GUCA1C: variants seen among roughly 807,000 people sequenced by gnomAD.
The protein encoded by GUCA1C is guanylate cyclase activator 1C.
Under a neutral mutation model 16.2 loss-of-function variants are expected in GUCA1C, and 15 were observed. The observed-to-expected ratio is 0.93, with a 90% CI of 0.62 to 1.43. The LOEUF (loss-of-function observed/expected upper bound fraction) is 1.43, where lower values mean the gene tolerates loss of function less well. Among genes scored for constraint, GUCA1C ranks in the 40% most tolerant of loss-of-function variants. The pLI, the probability that GUCA1C is intolerant of heterozygous loss-of-function variation, is 0.00. For synonymous variants in GUCA1C, 78 were observed against 85.4 expected, an observed-to-expected ratio of 0.91 and a Z score of 0.48; for missense variants, 275 against 244.8, an observed-to-expected ratio of 1.12 and a Z score of -0.82.
intron 3 of GUCA1C, among the ~76,000 whole-genome samples, chr3:108,912,200 C>T (rs1946463958): frequency 6.6e-6 from 1 of 151,580 alleles, no homozygotes; most frequent in Non-Finnish European, 1.5e-5. Flanking sequence ...TCTCCCTTAC[C>T]CCTGTGCCTT....
intron 3 of GUCA1C, among the ~76,000 whole-genome samples, chr3:108,909,363 A>T (rs1946424506): frequency 1.3e-5 from 2 of 152,226 alleles, no homozygotes; most frequent in East Asian, 1.9e-4. Flanking sequence ...AGAATAAACC[A>T]TAGGGAGTAG....
At chr3:108,911,963 G>A (rs1343160793) in intron 3 of GUCA1C, among the ~76,000 whole-genome samples, 2 of 151,880 alleles carry the variant, frequency 1.3e-5, no homozygotes, top group Non-Finnish European at 2.9e-5. Flanking sequence ...AAAATTAGCC[G>A]GGCGTAGTGG....
At chr3:108,922,310 A>G (rs1946577703) in intron 1 of GUCA1C, among the ~76,000 whole-genome samples, 1 of 152,134 alleles carries the variant, frequency 6.6e-6, no homozygotes, top group South Asian at 2.1e-4. Flanking sequence ...TGCATGTGCA[A>G]GTATCTTTTT....
chr3:108,945,776 G>T (rs190536229), intron 1 of GUCA1C, among the ~76,000 whole-genome samples: 8 of 152,260 alleles, frequency 5.3e-5, no homozygotes, highest in Admixed American at 2.6e-4. Context: ...CTTAACGTTT[G>T]TAATTAAGAT....
Position 108,917,413 on chromosome 3 carries a change from C to T in GUCA1C, c.355-1199G>A, listed in dbSNP as rs988137745. On this transcript the variant is annotated intron_variant, in intron 2 of 3. Coordinates refer to ENST00000261047, the MANE Select transcript of GUCA1C (RefSeq NM_005459.4). ...AGGGGATAATATTTTTGGAGGGAGT[C>T]CTCAGCTTGCTCCGTTTTCCTTCTT... is the stretch of plus-strand genomic sequence containing the variant. 1.2e-4 allele frequency among the ~76,000 whole-genome samples: 19 copies of T among 152,010 alleles called. 1 individual carries two copies. Among genetic ancestry groups the T allele is most frequent in the African/African-American group, 3.6e-4 (15 of 41,358 alleles).
At chr3:108,946,891 GAAAA>G (rs10607933) in intron 1 of GUCA1C, among the ~76,000 whole-genome samples, 18 of 96,388 alleles carry the variant, frequency 1.9e-4, no homozygotes, top group African/African-American at 6.1e-4. Flanking sequence ...TCAAGAATCT[GAAAA>G]AAAAAAAAAA....
At chr3:108,951,017 C>T (rs1159815847) in intron 1 of GUCA1C, among the ~76,000 whole-genome samples, 1 of 151,748 alleles carries the variant, frequency 6.6e-6, no homozygotes, top group Non-Finnish European at 1.5e-5. Context: ...GTATGAAATG[C>T]ATTTTAAAAT....
chr3:108,918,310 G>T (rs1174570789), intron 2 of GUCA1C, among the ~76,000 whole-genome samples: 1 of 152,170 alleles, frequency 6.6e-6, no homozygotes, highest in African/African-American at 2.4e-5. Flanking sequence ...GGCTCTGCAG[G>T]ATAAGATCTA....
chr3:108,954,938 G>A (rs769835815), upstream of GUCA1C, among the ~76,000 whole-genome samples: 8 of 151,888 alleles, frequency 5.3e-5, no homozygotes, highest in Non-Finnish European at 8.8e-5. Flanking sequence ...GGGTTTCACC[G>A]TGTTAGCCAG....
At chr3:108,922,415 ACT>A (rs1298064554) in intron 1 of GUCA1C, among the ~76,000 whole-genome samples, 1 of 152,210 alleles carries the variant, frequency 6.6e-6, no homozygotes, top group African/African-American at 2.4e-5. Context: ...GAATCTCCAC[ACT>A]GTTTCACATA....
chr3:108,932,518 C>G (rs543629000), intron 1 of GUCA1C, among the ~76,000 whole-genome samples: 1 of 152,114 alleles, frequency 6.6e-6, no homozygotes, highest in East Asian at 1.9e-4. Context: ...CTCCAAGTGG[C>G]TACTGTAGTT....
At chr3:108,945,396 C>A (rs1465261017) in intron 1 of GUCA1C, among the ~76,000 whole-genome samples, 1 of 152,224 alleles carries the variant, frequency 6.6e-6, no homozygotes, top group Non-Finnish European at 1.5e-5. Context: ...TTAGGTGTAA[C>A]ACTGACCACA....
At chr3:108,931,781 C>A (rs1040444217) in intron 1 of GUCA1C, among the ~76,000 whole-genome samples, 1 of 151,070 alleles carries the variant, frequency 6.6e-6, no homozygotes, top group Non-Finnish European at 1.5e-5. Flanking sequence ...GATGTCCCTG[C>A]AAATGTGACT....
At chr3:108,945,777 T>G (rs1946838544) in intron 1 of GUCA1C, among the ~76,000 whole-genome samples, 1 of 152,260 alleles carries the variant, frequency 6.6e-6, no homozygotes, top group Non-Finnish European at 1.5e-5. Context: ...TTAACGTTTG[T>G]AATTAAGATG....
At position 108,916,138 on chromosome 3, in the gene GUCA1C, A is replaced by T; in HGVS notation, c.431T>A (p.Ile144Lys). Residue 144 changes from isoleucine to lysine, a missense_variant, in exon 3 of 4, where the codon ATA (isoleucine) becomes AAA (lysine). Ile to Lys is a moderately radical substitution (Grantham distance 102). Transcript: ENST00000261047. ...AGTAGCTCCATTACCATCATTGTTT[A>T]TATCGATCTTATGGAACACCAAGTT... is the stretch of plus-strand genomic sequence containing the variant. The part of the protein sequence containing the change: ...FINLVFHKID[I>K]NNDGELTLEE... 6.2e-7 allele frequency: 1 copy of T among 1,612,766 alleles called. No individual in the cohort carries two copies. Among genetic ancestry groups the T allele is most frequent in the Non-Finnish European group, 8.5e-7 (1 of 1,178,782 alleles).
intron 1 of GUCA1C, among the ~76,000 whole-genome samples, chr3:108,921,920 T>C (rs1477215877): frequency 6.6e-6 from 1 of 152,140 alleles, no homozygotes; most frequent in Non-Finnish European, 1.5e-5. Context: ...TGTAGTCTTT[T>C]ATCCCTCGCC....
chr3:108,941,299 G>T (rs1249266196), intron 1 of GUCA1C, among the ~76,000 whole-genome samples: 2 of 152,156 alleles, frequency 1.3e-5, no homozygotes, highest in African/African-American at 4.8e-5. Flanking sequence ...GCTGCTAACT[G>T]AAAATAACAA....
intron 1 of GUCA1C, among the ~76,000 whole-genome samples, chr3:108,923,299 G>A (rs112432258): frequency 0.026 from 4,000 of 152,148 alleles, 161 homozygotes; most frequent in African/African-American, 0.091. Flanking sequence ...TTATGGTTTC[G>A]GATCTTTGAT....
chr3:108,954,199 G>A (rs1300264360), upstream of GUCA1C, among the ~76,000 whole-genome samples: 4 of 152,134 alleles, frequency 2.6e-5, no homozygotes, highest in South Asian at 6.2e-4. Flanking sequence ...TTACATTCTC[G>A]TGTTTCCTCA....
Sources: allele counts gnomAD v4.1 joint callset (sites outside exome capture counted in the v4.1 genomes callset), GRCh38; gene constraint gnomAD v4.1.1; transcripts MANE v1.5; gene names NCBI Gene and HGNC (gene_info 2026-07-23, HGNC 2026-07-21).